MYO5A: variants seen among roughly 807,000 people sequenced by gnomAD.
MYO5A encodes the protein unconventional myosin-Va.
MYO5A carries 98 observed loss-of-function variants against 249.7 expected under a neutral mutation model. The observed-to-expected ratio is 0.39, with a 90% CI of 0.33 to 0.46. MYO5A has a LOEUF of 0.46. MYO5A is among the 20% of genes least tolerant of loss of function. The pLI is 0.98. For synonymous variants in MYO5A, 778 were observed against 810.6 expected, an observed-to-expected ratio of 0.96 and a Z score of 0.68; for missense variants, 1,696 against 2,308.8, an observed-to-expected ratio of 0.73 and a Z score of 5.44.
intron 1 of MYO5A, among the ~76,000 whole-genome samples, chr15:52,497,420 A>AATAG (rs1198114972): frequency 5.7e-3 from 315 of 55,506 alleles, no homozygotes; most frequent in Non-Finnish European, 0.012. Flanking sequence ...TAAATAAATA[A>AATAG]ATAGATAAAT....
chr15:52,412,191 T>C (rs1417393798), intron 5 of MYO5A, among the ~76,000 whole-genome samples: 2 of 152,196 alleles, frequency 1.3e-5, no homozygotes, highest in African/African-American at 4.8e-5. Context: ...AGCACTTTCC[T>C]GCCAGTAACT....
At chr15:52,398,036 A>C (rs149800350) in intron 9 of MYO5A, among the ~76,000 whole-genome samples, 1 of 152,348 alleles carries the variant, frequency 6.6e-6, no homozygotes, top group East Asian at 1.9e-4. Flanking sequence ...TTCCAAGCCA[A>C]GGAAACAGCT....
chr15:52,333,254 T>A (rs2038971147), intron 34 of MYO5A, among the ~76,000 whole-genome samples: 1 of 152,180 alleles, frequency 6.6e-6, no homozygotes, highest in Non-Finnish European at 1.5e-5. Flanking sequence ...GAAAAAAGAC[T>A]CTAGTTTCAT....
At chr15:52,435,855 G>A (rs1017143198) in intron 1 of MYO5A, among the ~76,000 whole-genome samples, 7 of 152,146 alleles carry the variant, frequency 4.6e-5, no homozygotes, top group African/African-American at 1.2e-4. Flanking sequence ...TATCACCATC[G>A]TTTTACAAAA....
chr15:52,402,729 C>T (rs2042818052), intron 9 of MYO5A, among the ~76,000 whole-genome samples: 1 of 152,082 alleles, frequency 6.6e-6, no homozygotes, highest in Admixed American at 6.5e-5. Context: ...CCTGTAATCC[C>T]AGCTACTCGG....
At chr15:52,354,855 CAAAA>C (rs568281513) in intron 25 of MYO5A, among the ~76,000 whole-genome samples, 1 of 87,980 alleles carries the variant, frequency 1.1e-5, no homozygotes. Context: ...CTCCATCTCA[CAAAA>C]AAAAAAAAAA....
At chr15:52,408,332 G>T (rs935722726) in intron 6 of MYO5A, among the ~76,000 whole-genome samples, 192 bp from the exon 7 acceptor site, 1 of 152,084 alleles carries the variant, frequency 6.6e-6, no homozygotes, top group Non-Finnish European at 1.5e-5. Context: ...ATGAGTATGT[G>T]TGTGTTGCTC....
chr15:52,380,759 T>A (rs2041698913), intron 16 of MYO5A, among the ~76,000 whole-genome samples: 1 of 152,142 alleles, frequency 6.6e-6, no homozygotes, highest in African/African-American at 2.4e-5. Flanking sequence ...AGGGCGAGAC[T>A]CCGTCTAAAA....
At chr15:52,395,214 C>T (rs1412061950) in intron 11 of MYO5A, among the ~76,000 whole-genome samples, 2 of 152,208 alleles carry the variant, frequency 1.3e-5, no homozygotes, top group East Asian at 3.8e-4. Flanking sequence ...TGATTTATCA[C>T]TATGAAACAC....
chr15:52,398,310 G>T (rs2042577546), intron 9 of MYO5A, among the ~76,000 whole-genome samples: 1 of 152,156 alleles, frequency 6.6e-6, no homozygotes, highest in African/African-American at 2.4e-5. Flanking sequence ...TGCATGAGTA[G>T]ATGTTTGATA....
At chr15:52,352,109 AG>A (rs929982299) in intron 27 of MYO5A, among the ~76,000 whole-genome samples, 8 of 152,228 alleles carry the variant, frequency 5.3e-5, no homozygotes, top group African/African-American at 1.7e-4. Flanking sequence ...GAGCCTTGGG[AG>A]GCAGGAGGCA....
At chr15:52,349,341 A>G (rs1275680577) in intron 28 of MYO5A, among the ~76,000 whole-genome samples, 1 of 152,188 alleles carries the variant, frequency 6.6e-6, no homozygotes, top group African/African-American at 2.4e-5. Flanking sequence ...TGTGTCTCTC[A>G]GACTAGAAAC....
At chr15:52,422,247 G>A (rs1435602845) in intron 4 of MYO5A, among the ~76,000 whole-genome samples, 6 of 152,188 alleles carry the variant, frequency 3.9e-5, no homozygotes, top group Admixed American at 2.0e-4. Context: ...CATGAGTCAA[G>A]GATCCAGCTC....
intron 1 of MYO5A, among the ~76,000 whole-genome samples, chr15:52,448,289 G>A (rs2075937695): frequency 6.6e-6 from 1 of 152,200 alleles, no homozygotes; most frequent in Admixed American, 6.5e-5. Context: ...GTCCTGCTGG[G>A]ATTTAATGAC....
At chr15:52,404,447 G>A (rs1287016604) in intron 9 of MYO5A, among the ~76,000 whole-genome samples, 1 of 151,846 alleles carries the variant, frequency 6.6e-6, no homozygotes, top group Non-Finnish European at 1.5e-5. Context: ...TACACAAGAG[G>A]CTATAGATCC....
rs764690977 is a variant in MYO5A, at chr15:52,317,207, T to C, written c.5250A>G (p.Gln1750=). The C allele has an allele frequency of 3.1e-6, 5 of 1,613,892 alleles. No individual in the cohort carries two copies. In the African/African-American group the frequency reaches 4.0e-5, roughly 13 times the overall value. Residue 1750 remains glutamine, a synonymous_variant, in exon 40 of 42, where the codon CAA becomes CAG. Transcript: ENST00000399233. ...TCTTGTCACGCAGCCATTCTTCCAG[T>C]TGACTGACATTGTACCTATGAAAAA... ...KGMQIRYNVS[Q]LEEWLRDKNL... is the part of the protein sequence containing the mutation.
At chr15:52,470,406 C>T (rs529305639) in intron 1 of MYO5A, among the ~76,000 whole-genome samples, 1 of 152,252 alleles carries the variant, frequency 6.6e-6, no homozygotes, top group East Asian at 1.9e-4. Flanking sequence ...AAAACCAGCA[C>T]GTTGGGAGGC....
intron 24 of MYO5A, among the ~76,000 whole-genome samples, chr15:52,363,833 T>C (rs1342936064): frequency 6.6e-6 from 1 of 152,240 alleles, no homozygotes; most frequent in Non-Finnish European, 1.5e-5. Flanking sequence ...TTGAAATAGA[T>C]AATTCATTAC....
chr15:52,434,339 T>C (rs1278270083), intron 1 of MYO5A, among the ~76,000 whole-genome samples: 1 of 152,140 alleles, frequency 6.6e-6, no homozygotes. Flanking sequence ...TCCTGTGCTC[T>C]GCAAAGCCTT....
Sources: allele counts gnomAD v4.1 joint callset (sites outside exome capture counted in the v4.1 genomes callset), GRCh38; gene constraint gnomAD v4.1.1; transcripts MANE v1.5; gene names NCBI Gene and HGNC (gene_info 2026-07-23, HGNC 2026-07-21).